Variants in CNGB1 observed in about 807,000 individuals in gnomAD.
The protein encoded by CNGB1 is cyclic nucleotide gated channel subunit beta 1.
In CNGB1, 126 loss-of-function variants were observed where a neutral mutation model predicts 151.7. That is an observed-to-expected ratio of 0.83 (90% CI 0.72 to 0.96). The LOEUF (loss-of-function observed/expected upper bound fraction) is 0.96, where lower values mean the gene tolerates loss of function less well. Among genes scored for constraint, CNGB1 ranks in the 40% least tolerant of loss-of-function variants. The pLI, the probability that CNGB1 is intolerant of heterozygous loss-of-function variation, is 0.00. For synonymous variants in CNGB1, 623 were observed against 635.1 expected (o/e 0.98, Z 0.29); for missense variants, 1,698 against 1,627.0 (o/e 1.04, Z -0.75).
Position 57,916,160 on chromosome 16 carries a change from C to A in CNGB1, c.2186G>T (p.Arg729Leu). Residue 729 changes from arginine to leucine, a missense_variant, in exon 22 of 33, where the codon CGA (arginine) becomes CTA (leucine). Arg to Leu is a moderately radical substitution (Grantham distance 102, BLOSUM62 -2). Coordinates refer to ENST00000251102, the MANE Select transcript of CNGB1 (RefSeq NM_001297.5). ...GCGGCGAGACTTCAGGTAGTTATTT[C>A]GCATGTCCTTTTTGTCCGTCTGAAA... The part of the protein sequence containing the change: ...GDIITDKKDM[R>L]NNYLKSRRFK... 1 of 1,614,010 alleles carries A rather than the reference C, an allele frequency of 6.2e-7. No homozygotes were observed. The highest frequency in any genetic ancestry group is 8.5e-7 in the Non-Finnish European group (1 of 1,179,914).
intron 22 of CNGB1, 52 bp downstream of exon 22, chr16:57,916,077 C>T: frequency 6.3e-7 from 1 of 1,587,070 alleles, no homozygotes; most frequent in South Asian, 1.1e-5. Flanking sequence ...CCCTCTGAGG[C>T]ACCCCCTTCT....
intron 23 of CNGB1, among the ~76,000 whole-genome samples, chr16:57,913,444 T>G (rs964270289): frequency 1.3e-5 from 2 of 152,306 alleles, no homozygotes; most frequent in Admixed American, 1.3e-4. Flanking sequence ...CTACTTTTCT[T>G]TATTGAGCAC....
chr16:57,891,350 A>G (rs1960083839), intron 31 of CNGB1, among the ~76,000 whole-genome samples: 1 of 152,122 alleles, frequency 6.6e-6, no homozygotes, highest in African/African-American at 2.4e-5. Context: ...ATCAACCATA[A>G]TACATGAACT....
chr16:57,895,272 C>A (rs112230666), intron 31 of CNGB1, among the ~76,000 whole-genome samples: 3,599 of 152,072 alleles, frequency 0.024, 137 homozygotes, highest in African/African-American at 0.081. Flanking sequence ...ATGGTGAAAC[C>A]CCATCTCTGC....
rs148735841 is a variant in CNGB1 at position 57,923,290 on chromosome 16, G to A, written c.1626C>T (p.Thr542=). The change falls in exon 18 of 33, where the codon ACC becomes ACT. Residue 542 remains threonine, a synonymous_variant. Coordinates refer to ENST00000251102, the MANE Select transcript of CNGB1 (RefSeq NM_001297.5). ...GGTCTCACTCAGTGTCCTTCGGGGTGGTGGGGTCAGACCAGGCAACCACTG... is the reference window on the plus strand; with the variant it reads ...GGTCTCACTCAGTGTCCTTCGGGGTAGTGGGGTCAGACCAGGCAACCACTG... ...ESPVVAWSDP[T]TPKDTDGQDR... is the part of the protein sequence containing the mutation. 5,444 of 1,612,786 alleles carry A rather than the reference G, an allele frequency of 3.4e-3. 23 individuals are homozygous for A. The highest frequency in any genetic ancestry group is 9.3e-3 in the Middle Eastern group (53 of 5,700).
intron 1 of CNGB1, among the ~76,000 whole-genome samples, chr16:57,969,354 C>T (rs1718954112): frequency 1.3e-5 from 2 of 152,050 alleles, no homozygotes; most frequent in Admixed American, 6.6e-5. Flanking sequence ...GTGTGGCTCA[C>T]ACCTGCAATC....
chr16:57,896,483 G>C (rs1327798314), intron 31 of CNGB1, among the ~76,000 whole-genome samples: 1 of 151,780 alleles, frequency 6.6e-6, no homozygotes, highest in African/African-American at 2.4e-5. Context: ...GGGAGGCCGA[G>C]GGGGGTGGAT....
intron 18 of CNGB1, 102 bp from the exon 19 acceptor site, chr16:57,920,646 C>A: frequency 7.0e-7 from 1 of 1,432,778 alleles, no homozygotes; most frequent in South Asian, 1.2e-5. Flanking sequence ...TCTGACAGAG[C>A]CTGAAGGAGG....
chr16:57,894,084 CG>C (rs774645834), intron 31 of CNGB1, among the ~76,000 whole-genome samples: 4 of 152,148 alleles, frequency 2.6e-5, no homozygotes, highest in Admixed American at 6.5e-5. Flanking sequence ...ATGCAAAATA[CG>C]GATGCACACG....
chr16:57,899,330 AAAT>A (rs71674286), intron 29 of CNGB1, among the ~76,000 whole-genome samples: 3,733 of 145,508 alleles, frequency 0.026, 148 homozygotes, highest in African/African-American at 0.091. Flanking sequence ...CAGAAAAAAA[AAAT>A]AATAATAATA....
chr16:57,940,463 T>C, intron 14 of CNGB1, 142 bp from the exon 15 acceptor site: 1 of 724,478 alleles, frequency 1.4e-6, no homozygotes, highest in East Asian at 2.7e-5. Flanking sequence ...CTCAGGAGCC[T>C]CCAGGGCAGT....
chr16:57,919,868 C>G (rs577901645), intron 19 of CNGB1, among the ~76,000 whole-genome samples: 1 of 152,080 alleles, frequency 6.6e-6, no homozygotes, highest in African/African-American at 2.4e-5. Flanking sequence ...CTGTTGTGGG[C>G]ACCATGATTT....
chr16:57,916,865 G>A (rs1456411714), intron 21 of CNGB1, among the ~76,000 whole-genome samples: 2 of 152,128 alleles, frequency 1.3e-5, no homozygotes, highest in South Asian at 2.1e-4. Flanking sequence ...CGCATGCATC[G>A]TTTCAACCAA....
chr16:57,921,139 T>A (rs1240880074), intron 18 of CNGB1, among the ~76,000 whole-genome samples: 15 of 150,224 alleles, frequency 1.0e-4, no homozygotes, highest in African/African-American at 3.2e-4. Context: ...TTTTTTTTCA[T>A]ACATTAGGAC....
intron 16 of CNGB1, among the ~76,000 whole-genome samples, chr16:57,933,235 C>A (rs1313109989): frequency 6.6e-6 from 1 of 152,192 alleles, no homozygotes; most frequent in Non-Finnish European, 1.5e-5. Context: ...GCTGGCCTCA[C>A]ATTCTTGAAG....
In CNGB1 at chr16:57,919,160, G is replaced by C. The variant is rs774264204; in HGVS notation, c.1896C>G (p.Cys632Trp). Reference sequence around the variant, plus strand: ...TCTTCCAGGGGCGGTGTTTGAACTTGCAGCAGAGCATGTCGCAATAGTGCT... The same window carrying C: ...TCTTCCAGGGGCGGTGTTTGAACTTCCAGCAGAGCATGTCGCAATAGTGCT... ...EEEHYCDMLC[C>W]KFKHRPWKKY... The change falls in exon 20 of 33, where the codon TGC (cysteine) becomes TGG (tryptophan). Residue 632 changes from cysteine to tryptophan, a missense_variant. Physicochemically the swap from Cys to Trp is radical, Grantham distance 215. Coordinates refer to ENST00000251102, the MANE Select transcript of CNGB1 (RefSeq NM_001297.5). The C allele has an allele frequency of 2.5e-6, 4 of 1,614,078 alleles. No homozygotes were observed. The African/African-American group carries it at 5.3e-5, about 22-fold the overall frequency.
chr16:57,967,353 A>C (rs1016314015), intron 1 of CNGB1, 59 bp from the exon 2 acceptor site: 3 of 1,520,678 alleles, frequency 2.0e-6, no homozygotes, highest in African/African-American at 2.7e-5. Flanking sequence ...CCCGCCACTT[A>C]TGGGCCACTC....
chr16:57,961,899 G>C (rs1962266839), intron 7 of CNGB1, among the ~76,000 whole-genome samples: 1 of 152,218 alleles, frequency 6.6e-6, no homozygotes, highest in African/African-American at 2.4e-5. Context: ...ATTTCCAGCA[G>C]AAACTACAAA....
chr16:57,969,479 G>C (rs185188678), intron 1 of CNGB1, among the ~76,000 whole-genome samples: 3 of 152,022 alleles, frequency 2.0e-5, no homozygotes, highest in Non-Finnish European at 2.9e-5. Flanking sequence ...TTAGCCCAGC[G>C]TGGTGGCACG....
Sources: gnomAD v4.1 joint callset for allele counts (sites outside exome capture counted in the v4.1 genomes callset) on GRCh38, gnomAD v4.1.1 for gene constraint, MANE v1.5 for transcripts, NCBI Gene and HGNC (gene_info 2026-07-23, HGNC 2026-07-21) for gene names.